The following PREX1 variants were observed in gnomAD, a reference collection of about 807,000 sequenced individuals.
PREX1 encodes the protein phosphatidylinositol 3,4,5-trisphosphate-dependent Rac exchanger 1 protein.
In PREX1, 41 loss-of-function variants were observed where a neutral mutation model predicts 198.3. That is an observed-to-expected ratio of 0.21 (90% CI 0.16 to 0.27). The LOEUF (loss-of-function observed/expected upper bound fraction) is 0.27. Ranked by LOEUF, PREX1 falls within the 10% of genes least tolerant of loss-of-function variation. PREX1 has a pLI of 1.00. For missense variants in PREX1, 1,620 were observed against 2,200.7 expected (o/e 0.74, Z 5.28); for synonymous variants, 843 against 887.2 (o/e 0.95, Z 0.89).
intron 19 of PREX1, among the ~76,000 whole-genome samples, chr20:48,654,739 A>G (rs773591000): frequency 6.6e-6 from 1 of 152,362 alleles, no homozygotes; most frequent in Non-Finnish European, 1.5e-5. Flanking sequence ...TTAAACTTTA[A>G]AGGGAGGGGC....
At chr20:48,753,658 C>T (rs1339533563) in intron 1 of PREX1, among the ~76,000 whole-genome samples, 1 of 152,176 alleles carries the variant, frequency 6.6e-6, no homozygotes, top group Admixed American at 6.5e-5. Context: ...CTAATGCGGG[C>T]TCTTCTCACC....
At chr20:48,679,598 TG>T in intron 12 of PREX1, 52 bp downstream of exon 12, 1 of 1,518,648 alleles carries the variant, frequency 6.6e-7, no homozygotes, top group Non-Finnish European at 9.1e-7. Context: ...GAACCCAGGG[TG>T]GAGGTGAACG....
Position 48,700,869 on chromosome 20 carries a change from G to T in PREX1, c.801C>A (p.Asp267Glu), listed in dbSNP as rs960129149. The change falls in exon 7 of 40, where the codon GAC becomes GAA. Residue 267 changes from aspartate (D) to glutamate (E), a missense_variant. Asp to Glu is a conservative substitution (Grantham distance 45). Transcript: ENST00000371941. ...CTTGCAGGAGGAGCTGAGTGCAGAT[G>T]TCTGTGAGGTTGGAACCCTGGAAGC... Reference protein sequence around the residue: ...IEGWEGSNLTDICTQLLLQGT... With the variant: ...IEGWEGSNLTEICTQLLLQGT... The T allele has an allele frequency of 8.7e-6, 14 of 1,614,072 alleles. No homozygotes were observed. In the Admixed American group the frequency reaches 2.2e-4, roughly 25 times the overall value.
At chr20:48,626,046 T>C (rs1368688312) in intron 39 of PREX1, 119 bp from the exon 40 acceptor site, 9 of 1,127,840 alleles carry the variant, frequency 8.0e-6, no homozygotes, top group South Asian at 1.6e-5. Flanking sequence ...CACAGGTATA[T>C]AAAAGATGCA....
chr20:48,637,346 A>T (rs2089372587), intron 31 of PREX1, among the ~76,000 whole-genome samples: 2 of 152,218 alleles, frequency 1.3e-5, no homozygotes, highest in South Asian at 4.1e-4. Flanking sequence ...GGGATAGAGA[A>T]GGTCTCCAAG....
chr20:48,749,774 A>G (rs2090126132), intron 1 of PREX1, among the ~76,000 whole-genome samples: 1 of 151,998 alleles, frequency 6.6e-6, no homozygotes, highest in Non-Finnish European at 1.5e-5. Flanking sequence ...TAACCCATTT[A>G]TGCCTAGTGT....
chr20:48,653,596 C>T (rs912529988), intron 19 of PREX1, 99 bp from the exon 20 acceptor site: 29 of 1,459,860 alleles, frequency 2.0e-5, no homozygotes, highest in Non-Finnish European at 2.4e-5. Context: ...CCCAGACACG[C>T]GCAAGGACTC....
chr20:48,672,544 A>G (rs2089682443), intron 14 of PREX1, among the ~76,000 whole-genome samples: 1 of 152,250 alleles, frequency 6.6e-6, no homozygotes, highest in South Asian at 2.1e-4. Context: ...GGGCCCTTCC[A>G]GGAGTGGACA....
chr20:48,813,474 A>G (rs984440855), intron 1 of PREX1, among the ~76,000 whole-genome samples: 8 of 152,334 alleles, frequency 5.3e-5, no homozygotes, highest in Admixed American at 2.0e-4. Flanking sequence ...ATCTGAATAT[A>G]GACTGTGCAT....
At chr20:48,774,739 C>T (rs532603257) in intron 1 of PREX1, among the ~76,000 whole-genome samples, 1 of 152,330 alleles carries the variant, frequency 6.6e-6, no homozygotes, top group African/African-American at 2.4e-5. Context: ...AGTGGCTGGA[C>T]CCGCACGGCT....
rs73909718 is a variant in PREX1, at chr20:48,780,871, T to C, written c.220-32991A>G. Among the ~76,000 whole-genome samples the C allele has an allele frequency of 2.3e-3, 347 of 152,346 alleles. 3 individuals are homozygous for C. The highest frequency in any genetic ancestry group is 8.0e-3 in the African/African-American group (333 of 41,576). ...CAAAGGAAAATTAGTAACCTCACCA[T>C]GGAGTATCCTGGCTTTCACCATCTT... is the stretch of plus-strand genomic sequence containing the variant. On this transcript the variant is annotated intron_variant, in intron 1 of 39. Coordinates refer to ENST00000371941, the MANE Select transcript of PREX1 (RefSeq NM_020820.4).
rs1568801603 is a variant in PREX1, at chr20:48,649,282, C to A, written c.3305+18G>T. On this transcript the variant is annotated intron_variant, in intron 25 of 39. Coordinates refer to ENST00000371941, the MANE Select transcript of PREX1 (RefSeq NM_020820.4). ...CACCTGCCCCTGCTCACGCCGGACA[C>A]CCCCGGCCAGCGCTCACCTGTTGAT... 1 of 1,605,958 alleles carries A rather than the reference C, an allele frequency of 6.2e-7. No individual in the cohort carries two copies.
Position 48,819,481 on chromosome 20 carries a change from T to G in PREX1, c.219+8161A>C, listed in dbSNP as rs551355512. Among the ~76,000 whole-genome samples the G allele has an allele frequency of 2.0e-5, 3 of 152,326 alleles. No individual in the cohort carries two copies. The South Asian group carries it at 6.2e-4, about 32-fold the overall frequency. On this transcript the variant is annotated intron_variant, in intron 1 of 39. Coordinates refer to ENST00000371941, the MANE Select transcript of PREX1 (RefSeq NM_020820.4). The stretch of plus-strand genomic sequence containing the variant: ...ATCCCATCTAAAGTAGATGCGACCA[T>G]CCCTGTCACAAACATCACCTCATTT...
chr20:48,884,368 G>T, the PREX1 span, among the ~76,000 whole-genome samples: 1 of 152,162 alleles, frequency 6.6e-6, no homozygotes, highest in African/African-American at 2.4e-5. Context: ...TAAGAGGACA[G>T]AAATAAACCC....
chr20:48,638,866 A>G (rs1301533519), intron 30 of PREX1, among the ~76,000 whole-genome samples: 12 of 152,266 alleles, frequency 7.9e-5, no homozygotes, highest in Non-Finnish European at 4.4e-5. Context: ...TCACACAGCC[A>G]GTAAGTGGGT....
chr20:48,760,889 G>T (rs906878793), intron 1 of PREX1, among the ~76,000 whole-genome samples: 1 of 152,122 alleles, frequency 6.6e-6, no homozygotes, highest in South Asian at 2.1e-4. Flanking sequence ...CAGGCACTGC[G>T]CTAAGAGCCA....
At chr20:48,773,406 T>C (rs1190204596) in intron 1 of PREX1, among the ~76,000 whole-genome samples, 1 of 152,068 alleles carries the variant, frequency 6.6e-6, no homozygotes, top group Non-Finnish European at 1.5e-5. Context: ...CACTAGCCCC[T>C]TTCCTGATCA....
chr20:48,872,524 A>G, the PREX1 span, among the ~76,000 whole-genome samples: 6 of 152,226 alleles, frequency 3.9e-5, no homozygotes, highest in Non-Finnish European at 7.4e-5. Context: ...CAGGCAGATC[A>G]CTAGAGGTCA....
At chr20:48,832,170 A>T (rs1000923084), upstream of PREX1, among the ~76,000 whole-genome samples, 3 of 151,860 alleles carry the variant, frequency 2.0e-5, no homozygotes, top group African/African-American at 7.3e-5. Context: ...AATGATAGGG[A>T]AATTCTCTTT....
Sources: gnomAD v4.1 joint callset for allele counts (sites outside exome capture counted in the v4.1 genomes callset) on GRCh38, gnomAD v4.1.1 for gene constraint, MANE v1.5 for transcripts, NCBI Gene and HGNC (gene_info 2026-07-23, HGNC 2026-07-21) for gene names.